PCBP3: variants seen among roughly 807,000 people sequenced by gnomAD.
PCBP3 encodes the protein poly(rC) binding protein 3.
Under a neutral mutation model 52.7 loss-of-function variants are expected in PCBP3, and 25 were observed. The ratio of observed to expected loss-of-function variants is 0.47; its 90% CI spans 0.35 to 0.66. The LOEUF (loss-of-function observed/expected upper bound fraction) is 0.66, where lower values mean the gene tolerates loss of function less well. Ranked by LOEUF, PCBP3 falls within the 30% of genes least tolerant of loss-of-function variation. The pLI is 0.01. For missense variants in PCBP3, 391 were observed against 490.3 expected (o/e 0.80, Z 1.91); for synonymous variants, 162 against 183.0 (o/e 0.89, Z 0.93).
At chr21:45,910,361 G>A (rs2096362467) in intron 10 of PCBP3, among the ~76,000 whole-genome samples, 1 of 151,782 alleles carries the variant, frequency 6.6e-6, no homozygotes, top group African/African-American at 2.4e-5. Flanking sequence ...GGCACTGGGT[G>A]CTGTATCTAC....
chr21:45,766,335 G>A (rs1178144212), intron 4 of PCBP3, among the ~76,000 whole-genome samples: 1 of 152,324 alleles, frequency 6.6e-6, no homozygotes, highest in East Asian at 1.9e-4. Context: ...TTTTGGAGTC[G>A]GGGCCCTTGG....
At chr21:45,935,607 T>C (rs561107961) in intron 16 of PCBP3, 2 of 488,104 alleles carry the variant, frequency 4.1e-6, no homozygotes, top group Admixed American at 2.5e-5. Context: ...GTGGAGGCAC[T>C]GCCCTGGTGC....
intron 1 of PCBP3, among the ~76,000 whole-genome samples, chr21:45,650,686 C>A (rs1316404421): frequency 6.6e-6 from 1 of 152,120 alleles, no homozygotes; most frequent in Non-Finnish European, 1.5e-5. Flanking sequence ...AACTCCTGGG[C>A]TCAAGAAATT....
At chr21:45,848,417 G>T (rs1192482059) in intron 4 of PCBP3, 1 of 152,282 alleles carries the variant, frequency 6.6e-6, no homozygotes. Flanking sequence ...TGCCGTGAAC[G>T]GAGAGGGTGA....
chr21:45,723,972 C>T (rs1366688713), intron 2 of PCBP3, among the ~76,000 whole-genome samples: 2 of 152,182 alleles, frequency 1.3e-5, no homozygotes, highest in African/African-American at 2.4e-5. Context: ...TGCCCGTCCT[C>T]CTCCAGCATA....
intron 5 of PCBP3, among the ~76,000 whole-genome samples, chr21:45,874,120 G>A (rs896659647): frequency 2.6e-5 from 4 of 152,170 alleles, no homozygotes; most frequent in South Asian, 2.1e-4. Flanking sequence ...GAGCCACCGC[G>A]CCCGGCCCGC....
chr21:45,665,245 AT>A (rs2080718706), intron 1 of PCBP3, among the ~76,000 whole-genome samples: 1 of 152,022 alleles, frequency 6.6e-6, no homozygotes, highest in Non-Finnish European at 1.5e-5. Context: ...CTACAAAAAA[AT>A]AAAAATAAAA....
In PCBP3 at chr21:45,900,614, G is replaced by A. The variant is rs775735831; in HGVS notation, c.213G>A (p.Met71Ile). 2 of 1,611,154 alleles carry A rather than the reference G, an allele frequency of 1.2e-6. No individual in the cohort carries two copies. The highest frequency in any genetic ancestry group is 1.7e-6 in the Non-Finnish European group (2 of 1,178,014). The change falls in exon 8 of 18, where the codon ATG (methionine) becomes ATA (isoleucine). Residue 71 changes from methionine to isoleucine, a missense_variant. Physicochemically the swap from Met to Ile is conservative, Grantham distance 10. Coordinates refer to ENST00000681687, the MANE Select transcript of PCBP3 (RefSeq NM_001384156.1). ...AGAAAGGAGAAACTGTGAAGAAGAT[G>A]CGTGAGGAGGTGAGTGTGGTGGGTC... Reference protein sequence around the residue: ...IGKKGETVKKMREESGARINI... With the variant: ...IGKKGETVKKIREESGARINI...
At chr21:45,786,137 T>TA (rs1220911057) in intron 4 of PCBP3, among the ~76,000 whole-genome samples, 1 of 141,766 alleles carries the variant, frequency 7.1e-6, no homozygotes, top group African/African-American at 2.7e-5. Context: ...AATAAAAAAA[T>TA]AAATAAATAA....
chr21:45,714,826 T>C (rs1254045445), intron 2 of PCBP3, among the ~76,000 whole-genome samples: 1 of 152,158 alleles, frequency 6.6e-6, no homozygotes, highest in Admixed American at 6.5e-5. Flanking sequence ...GAGACTATTT[T>C]GGAGGCACGT....
intron 4 of PCBP3, among the ~76,000 whole-genome samples, chr21:45,776,179 A>G (rs1300393821): frequency 6.6e-6 from 1 of 152,090 alleles, no homozygotes; most frequent in Non-Finnish European, 1.5e-5. Flanking sequence ...GTCTAAGAAG[A>G]TAGTTGATAT....
At chr21:45,879,493 A>G (rs972685491) in intron 5 of PCBP3, among the ~76,000 whole-genome samples, 3 of 152,232 alleles carry the variant, frequency 2.0e-5, no homozygotes, top group African/African-American at 7.2e-5. Flanking sequence ...ACCTGCAGAC[A>G]ATGCAGACAC....
chr21:45,654,694 T>C (rs992291942), intron 1 of PCBP3, among the ~76,000 whole-genome samples: 4 of 152,220 alleles, frequency 2.6e-5, no homozygotes, highest in Admixed American at 2.6e-4. Context: ...TAACAAATTC[T>C]TTCAATTTAC....
Position 45,923,848 on chromosome 21 carries a change from G to A in PCBP3, c.718-6069G>A, listed in dbSNP as rs1424219584. ...GGAGATGCGAACACCGGGAACAGTC[G>A]AGTGGGTAGAAACAGCACACGTAAG... On this transcript the variant is annotated intron_variant, in intron 13 of 17. Coordinates refer to ENST00000681687, the MANE Select transcript of PCBP3 (RefSeq NM_001384156.1). Among the ~76,000 whole-genome samples, 64 of 142,302 alleles carry A rather than the reference G, an allele frequency of 4.5e-4. 5 individuals carry two copies. The highest frequency in any genetic ancestry group is 1.2e-3 in the African/African-American group (44 of 37,662). The allele number at this position is 142,302 out of a possible 152,430, so 93.4% of individuals were successfully genotyped here.
At chr21:45,815,607 G>A (rs532876018) in intron 4 of PCBP3, among the ~76,000 whole-genome samples, 2 of 74,470 alleles carry the variant, frequency 2.7e-5, no homozygotes, top group Non-Finnish European at 5.0e-5. Flanking sequence ...TGATGAGTGA[G>A]TGGTGAGTAG....
chr21:45,846,052 G>A (rs2093803923), intron 4 of PCBP3, among the ~76,000 whole-genome samples: 1 of 152,186 alleles, frequency 6.6e-6, no homozygotes. Flanking sequence ...CATCTCGTTT[G>A]TATCCAGCTC....
chr21:45,770,720 GCA>G (rs1351772198), intron 4 of PCBP3, among the ~76,000 whole-genome samples: 2 of 152,210 alleles, frequency 1.3e-5, no homozygotes, highest in Non-Finnish European at 2.9e-5. Flanking sequence ...TGCAATGTGT[GCA>G]CACCAGTTCT....
chr21:45,649,940 C>CT (rs578041781), intron 1 of PCBP3, among the ~76,000 whole-genome samples: 1 of 151,796 alleles, frequency 6.6e-6, no homozygotes, highest in Non-Finnish European at 1.5e-5. Context: ...TAATTTTAAG[C>CT]TTTTTTTAAA....
At chr21:45,868,364 A>G (rs1326775507) in intron 5 of PCBP3, among the ~76,000 whole-genome samples, 3 of 150,854 alleles carry the variant, frequency 2.0e-5, no homozygotes, top group African/African-American at 7.3e-5. Flanking sequence ...GCGCCGCCGA[A>G]TCTCAGCCTG....
Sources: allele counts gnomAD v4.1 joint callset (sites outside exome capture counted in the v4.1 genomes callset), GRCh38; gene constraint gnomAD v4.1.1; transcripts MANE v1.5; gene names NCBI Gene and HGNC (gene_info 2026-07-23, HGNC 2026-07-21).